CCL7: variants seen among roughly 807,000 people sequenced by gnomAD.
CCL7 encodes the protein C-C motif chemokine 7.
In CCL7, 8 loss-of-function variants were observed where a neutral mutation model predicts 7.1. The observed-to-expected ratio is 1.13, with a 90% CI of 0.66 to 2.04. CCL7 has a LOEUF of 2.04. Ranked by LOEUF, CCL7 falls within the 30% of genes most tolerant of loss-of-function variation. CCL7 has a pLI of 0.00. For missense variants in CCL7, 134 were observed against 113.6 expected, an observed-to-expected ratio of 1.18 and a Z score of -0.82; for synonymous variants, 46 against 41.2, an observed-to-expected ratio of 1.12 and a Z score of -0.45.
chr17:34,270,848 C>G (rs1040411519), intron 1 of CCL7, among the ~76,000 whole-genome samples: 1 of 152,118 alleles, frequency 6.6e-6, no homozygotes, highest in African/African-American at 2.4e-5. Context: ...GTTGGGGTAC[C>G]CTTGCTCTAA....
Position 34,272,025 on chromosome 17 carries a change from G to A in CCL7, c.*223G>A, listed in dbSNP as rs959452193. 2 of 438,248 alleles carry A rather than the reference G, an allele frequency of 4.6e-6. No individual in the cohort carries two copies. Among genetic ancestry groups the A allele is most frequent in the African/African-American group, 4.2e-5 (2 of 47,872 alleles). The allele number at this position is 438,248 out of a possible 1,614,324, so 27.1% of individuals were successfully genotyped here. A position where few individuals can be genotyped will look rare whatever the true frequency, so the allele number is the denominator to read the frequency against. On this transcript the variant is annotated 3_prime_UTR_variant, in exon 3 of 3. Transcript: ENST00000378569. ...TGGTGGGTTTTGAACATAAAGCCTTGGATGTATATGTCATCTCAGTGCTGT... is the reference window on the plus strand; with the variant it reads ...TGGTGGGTTTTGAACATAAAGCCTTAGATGTATATGTCATCTCAGTGCTGT...
At chr17:34,270,453 T>G in intron 1 of CCL7, 87 bp downstream of exon 1, 1 of 1,069,962 alleles carries the variant, frequency 9.3e-7, no homozygotes, top group Non-Finnish European at 1.4e-6. Context: ...ATACCCACAG[T>G]CTCACTTTAA....
chr17:34,270,718 G>C (rs1002017945), intron 1 of CCL7, among the ~76,000 whole-genome samples: 2 of 152,172 alleles, frequency 1.3e-5, no homozygotes, highest in African/African-American at 4.8e-5. Context: ...GATACCGGGA[G>C]ACCCAGAATC....
intron 2 of CCL7, 43 bp downstream of exon 2, chr17:34,271,306 G>T: frequency 1.3e-6 from 2 of 1,529,718 alleles, no homozygotes; most frequent in South Asian, 1.1e-5. Flanking sequence ...CTCAGTCCTA[G>T]GTTCTTCCCT....
At chr17:34,271,650 T>C in intron 2 of CCL7, 47 bp from the exon 3 acceptor site, 1 of 1,282,032 alleles carries the variant, frequency 7.8e-7, no homozygotes, top group South Asian at 1.2e-5. Context: ...ACTCCCAGGC[T>C]GAACCCTCAA....
rs763581566 is a variant in CCL7 at position 34,271,125 on chromosome 17, C to T, written c.77-21C>T. 5 of 1,614,074 alleles carry T rather than the reference C, an allele frequency of 3.1e-6. No individual in the cohort carries two copies. The East Asian group carries it at 6.7e-5, about 22-fold the overall frequency. On this transcript the variant is annotated intron_variant, in intron 1 of 2. Coordinates refer to ENST00000378569, the MANE Select transcript of CCL7 (RefSeq NM_006273.4). ...CAGGACACACCCTCAATGGACTTTT[C>T]TTCTTGTTGTTTCATTGCAGTTGGG... is the stretch of plus-strand genomic sequence containing the variant.
chr17:34,270,442 G>T, intron 1 of CCL7, 76 bp downstream of exon 1: 1 of 1,143,012 alleles, frequency 8.7e-7, no homozygotes, highest in Non-Finnish European at 1.3e-6. Flanking sequence ...AAGAAGACCT[G>T]ATACCCACAG....
rs2142203295 is a variant in CCL7 at position 34,271,246 on chromosome 17, TC to T, written c.181del (p.Arg61GlyfsTer4). On this transcript the variant is annotated frameshift_variant, in exon 2 of 3. Transcript: ENST00000378569. LOFTEE classifies it low-confidence loss of function (END_TRUNC). ...SYRRTTSSHC[P>X]REAVIFKTKL... ...ACAGAAGGACCACCAGTAGCCACTG[TC>T]CCCGGGAAGCTGTAATGTATGTGGA... 1 of 1,613,868 alleles carries T rather than the reference TC, an allele frequency of 6.2e-7. No individual in the cohort carries two copies. Among genetic ancestry groups the T allele is most frequent in the South Asian group, 1.1e-5 (1 of 91,054 alleles).
chr17:34,271,614 G>A, intron 2 of CCL7, 83 bp from the exon 3 acceptor site: 2 of 877,484 alleles, frequency 2.3e-6, no homozygotes, highest in Non-Finnish European at 3.7e-6. Flanking sequence ...TGATGGGCTA[G>A]ACAGATTTCC....
Position 34,271,854 on chromosome 17 carries a change from G to A in CCL7, c.*52G>A. 1 of 1,091,428 alleles carries A rather than the reference G, an allele frequency of 9.2e-7. No individual in the cohort carries two copies. Among genetic ancestry groups the A allele is most frequent in the Non-Finnish European group, 1.4e-6 (1 of 716,336 alleles). The allele number at this position is 1,091,428 out of a possible 1,614,324, so 67.6% of individuals were successfully genotyped here. A position where few individuals can be genotyped will look rare whatever the true frequency, so the allele number is the denominator to read the frequency against. On this transcript the variant is annotated 3_prime_UTR_variant, in exon 3 of 3. Coordinates refer to ENST00000378569, the MANE Select transcript of CCL7 (RefSeq NM_006273.4). ...CCATGACTTGAGAAACAAATAATTTGTATACCCTGTCCTTTCTCAGAGTGG... is the reference window on the plus strand; with the variant it reads ...CCATGACTTGAGAAACAAATAATTTATATACCCTGTCCTTTCTCAGAGTGG...
In CCL7 at chr17:34,271,223, A is replaced by C. The variant is rs1332818014; in HGVS notation, c.154A>C (p.Arg52=). ...KIPKQRLESY[R]RTTSSHCPRE... ...CCCTAAGCAGAGGCTGGAGAGCTAC[A>C]GAAGGACCACCAGTAGCCACTGTCC... Residue 52 remains arginine, a synonymous_variant, in exon 2 of 3, where the codon AGA becomes CGA. Transcript: ENST00000378569. The C allele has an allele frequency of 6.2e-7, 1 of 1,614,150 alleles. No individual in the cohort carries two copies. The highest frequency in any genetic ancestry group is 8.5e-7 in the Non-Finnish European group (1 of 1,180,010).
Position 34,271,899 on chromosome 17 carries a change from T to C in CCL7, c.*97T>C. The C allele has an allele frequency of 1.4e-6, 1 of 718,722 alleles. No homozygotes were observed. Among genetic ancestry groups the C allele is most frequent in the Non-Finnish European group, 2.4e-6 (1 of 420,416 alleles). 44.5% of individuals were successfully genotyped at this position (718,722 alleles called of 1,614,324 possible). On this transcript the variant is annotated 3_prime_UTR_variant, in exon 3 of 3. Coordinates refer to ENST00000378569, the MANE Select transcript of CCL7 (RefSeq NM_006273.4). ...GAGTGGTTCTGAGATTATTTTAATC[T>C]AATTCTAAGGAATATGAGCTTTATG...
In CCL7 at chr17:34,272,002, G is replaced by A. The variant is rs1028791645; in HGVS notation, c.*200G>A. 2.1e-6 allele frequency: 1 copy of A among 480,918 alleles called. No individual in the cohort carries two copies. Among genetic ancestry groups the A allele is most frequent in the South Asian group, 2.5e-5 (1 of 39,468 alleles). The allele number at this position is 480,918 out of a possible 1,614,324, so 29.8% of individuals were successfully genotyped here. Reference sequence around the variant, plus strand: ...TTAATTTAATCTTCCATGGATTTTGGTGGGTTTTGAACATAAAGCCTTGGA... The same window carrying A: ...TTAATTTAATCTTCCATGGATTTTGATGGGTTTTGAACATAAAGCCTTGGA... On this transcript the variant is annotated 3_prime_UTR_variant, in exon 3 of 3. Coordinates refer to ENST00000378569, the MANE Select transcript of CCL7 (RefSeq NM_006273.4).
rs765661477 is a variant in CCL7, at chr17:34,271,688, G to T, written c.195-9G>T. On this transcript the variant is annotated splice_polypyrimidine_tract_variant and intron_variant, in intron 2 of 2. Transcript: ENST00000378569. ...TGTTCCATCTGACTGTCTCCTTTCT[G>T]CTCCACAGCTTCAAGACCAAACTGG... 6.3e-6 allele frequency: 10 copies of T among 1,591,028 alleles called. No homozygotes were observed. Among genetic ancestry groups the T allele is most frequent in the Non-Finnish European group, 7.7e-6 (9 of 1,164,268 alleles).
chr17:34,271,651 G>A (rs1908168694), intron 2 of CCL7, 46 bp from the exon 3 acceptor site: 4 of 1,294,040 alleles, frequency 3.1e-6, no homozygotes, highest in East Asian at 4.7e-5. Context: ...CTCCCAGGCT[G>A]AACCCTCAAG....
intron 1 of CCL7, 113 bp downstream of exon 1, chr17:34,270,479 G>T: frequency 1.2e-6 from 1 of 833,886 alleles, no homozygotes; most frequent in Non-Finnish European, 1.9e-6. Flanking sequence ...ACTTTTCCAA[G>T]ATAAGGTAAC....
In CCL7 at chr17:34,270,382, C is replaced by G; in HGVS notation, c.76+16C>G. ...GCTCAGCCAGGTAAGGTCCCTCTCT[C>G]CTTCTCCTTGAAGCACATTGCCCCC... is the stretch of plus-strand genomic sequence containing the variant. On this transcript the variant is annotated intron_variant, in intron 1 of 2. Transcript: ENST00000378569. 1 of 1,611,108 alleles carries G rather than the reference C, an allele frequency of 6.2e-7. No individual in the cohort carries two copies. The highest frequency in any genetic ancestry group is 8.5e-7 in the Non-Finnish European group (1 of 1,177,294).
rs765182685 is a variant in CCL7 at position 34,270,404 on chromosome 17, C to T, written c.76+38C>T. On this transcript the variant is annotated intron_variant, in intron 1 of 2. Transcript: ENST00000378569. ...TCTCCTTCTCCTTGAAGCACATTGC[C>T]CCCTCTCTGGGTTATCCTGGACCAA... 5.8e-6 allele frequency: 9 copies of T among 1,550,650 alleles called. No homozygotes were observed. The African/African-American group carries it at 8.1e-5, about 14-fold the overall frequency.
rs35192500 is a variant in CCL7 at position 34,271,131 on chromosome 17, G to C, written c.77-15G>C. 3.6e-4 allele frequency: 583 copies of C among 1,614,036 alleles called. 2 individuals carry two copies. In the African/African-American group the frequency reaches 6.6e-3, roughly 18 times the overall value. On this transcript the variant is annotated splice_polypyrimidine_tract_variant and intron_variant, in intron 1 of 2. Coordinates refer to ENST00000378569, the MANE Select transcript of CCL7 (RefSeq NM_006273.4). The stretch of plus-strand genomic sequence containing the variant: ...ACACCCTCAATGGACTTTTCTTCTT[G>C]TTGTTTCATTGCAGTTGGGATTAAT...
Sources: allele counts gnomAD v4.1 joint callset (sites outside exome capture counted in the v4.1 genomes callset), GRCh38; gene constraint gnomAD v4.1.1; transcripts MANE v1.5; gene names NCBI Gene and HGNC (gene_info 2026-07-23, HGNC 2026-07-21).